The following ATP8A2 variants were observed in gnomAD, a reference collection of about 807,000 sequenced individuals.
ATP8A2 encodes the protein ATPase phospholipid transporting 8A2, also known as phospholipid-transporting ATPase IB.
Under a neutral mutation model 165.6 loss-of-function variants are expected in ATP8A2, and 100 were observed. The observed-to-expected ratio is 0.60, with a 90% CI of 0.51 to 0.71. The LOEUF is 0.71. ATP8A2 is among the 30% of genes least tolerant of loss of function. The pLI is 0.00. For synonymous variants in ATP8A2, 543 were observed against 548.8 expected (o/e 0.99, Z 0.15); for missense variants, 1,227 against 1,479.5 (o/e 0.83, Z 2.80).
chr13:25,689,271 A>T (rs1157573393), intron 24 of ATP8A2, among the ~76,000 whole-genome samples: 1 of 152,240 alleles, frequency 6.6e-6, no homozygotes, highest in Non-Finnish European at 1.5e-5. Context: ...TGTAATGACT[A>T]TACCGCTTAT....
intron 27 of ATP8A2, among the ~76,000 whole-genome samples, chr13:25,793,285 A>G (rs1482169263): frequency 6.6e-6 from 1 of 152,140 alleles, no homozygotes; most frequent in Non-Finnish European, 1.5e-5. Context: ...TGCTCTGGAG[A>G]ATGCCTGATT....
intron 27 of ATP8A2, among the ~76,000 whole-genome samples, chr13:25,826,279 G>T (rs2138591955): frequency 6.6e-6 from 1 of 152,310 alleles, no homozygotes; most frequent in African/African-American, 2.4e-5. Context: ...AGAGTGAATA[G>T]AAGTGTGGAA....
rs1956870625 is a variant in ATP8A2 at position 26,012,528 on chromosome 13, C to T, written c.3378-3C>T. 24 of 1,540,348 alleles carry T rather than the reference C, an allele frequency of 1.6e-5. No homozygotes were observed. Among genetic ancestry groups the T allele is most frequent in the Non-Finnish European group, 1.9e-5 (22 of 1,142,010 alleles). ...GAGACTGACGCGCTTGCTTTATCCG[C>T]AGGCTGAACGAGCGCGACCGCCTGA... On this transcript the variant is annotated splice_region_variant and splice_polypyrimidine_tract_variant and intron_variant, in intron 35 of 36. Transcript: ENST00000381655.
At chr13:25,895,922 C>CT (rs1336783435) in intron 33 of ATP8A2, among the ~76,000 whole-genome samples, 1 of 152,062 alleles carries the variant, frequency 6.6e-6, no homozygotes. Context: ...ATTCTTCTCT[C>CT]TCTTCTTCTT....
At chr13:26,019,685 G>A (rs1300285770) in intron 36 of ATP8A2, among the ~76,000 whole-genome samples, 1 of 152,120 alleles carries the variant, frequency 6.6e-6, no homozygotes, top group Non-Finnish European at 1.5e-5. Context: ...TAGAACCATG[G>A]GACCCCAGTT....
At chr13:25,967,454 G>A (rs564656382) in intron 34 of ATP8A2, among the ~76,000 whole-genome samples, 1 of 152,280 alleles carries the variant, frequency 6.6e-6, no homozygotes, top group South Asian at 2.1e-4. Flanking sequence ...GGTGGAGGGT[G>A]GGTGAGGTGG....
intron 24 of ATP8A2, among the ~76,000 whole-genome samples, chr13:25,675,795 G>A (rs1029156408): frequency 2.6e-5 from 4 of 152,148 alleles, no homozygotes; most frequent in African/African-American, 9.7e-5. Context: ...GGCAGGCTTG[G>A]ATGCTGCTGA....
chr13:25,410,661 G>A lies in ATP8A2; in HGVS notation c.76+38373G>A, dbSNP rs556760443. On this transcript the variant is annotated intron_variant, in intron 1 of 36. Coordinates refer to ENST00000381655, the MANE Select transcript of ATP8A2 (RefSeq NM_016529.6). The stretch of plus-strand genomic sequence containing the variant: ...GCTTTGCAGTAAGGGCTGGAAGAAC[G>A]TGCACAGAAAGCTTCCTCATCCATA... Among the ~76,000 whole-genome samples the A allele has an allele frequency of 7.2e-5, 11 of 152,326 alleles. 1 individual carries two copies. Among genetic ancestry groups the A allele is most frequent in the Admixed American group, 1.3e-4 (2 of 15,300 alleles).
rs1241693117 is a variant in ATP8A2, at chr13:25,542,054, A to G, written c.779+8A>G. On this transcript the variant is annotated splice_region_variant and intron_variant, in intron 9 of 36. Transcript: ENST00000381655. ...GAACTTAGATGGGAAAAGGTATTATATGCCTTTTCTTCATTGTCTTTTAAA... is the reference window on the plus strand; with the variant it reads ...GAACTTAGATGGGAAAAGGTATTATGTGCCTTTTCTTCATTGTCTTTTAAA... The G allele has an allele frequency of 4.3e-6, 7 of 1,613,448 alleles. No homozygotes were observed. The highest frequency in any genetic ancestry group is 5.9e-6 in the Non-Finnish European group (7 of 1,179,566).
At chr13:25,421,989 G>A (rs1043223641) in intron 1 of ATP8A2, among the ~76,000 whole-genome samples, 13 of 151,976 alleles carry the variant, frequency 8.6e-5, no homozygotes, top group African/African-American at 2.4e-4. Context: ...TGCTCGTTAC[G>A]TCCTCCCTAC....
intron 24 of ATP8A2, among the ~76,000 whole-genome samples, chr13:25,596,898 G>C (rs192163278): frequency 6.6e-6 from 1 of 152,002 alleles, no homozygotes; most frequent in Non-Finnish European, 1.5e-5. Flanking sequence ...TCATTTTTGC[G>C]TATCTTCACC....
chr13:25,652,705 T>C (rs1266582068), intron 24 of ATP8A2, among the ~76,000 whole-genome samples: 1 of 152,198 alleles, frequency 6.6e-6, no homozygotes, highest in Non-Finnish European at 1.5e-5. Flanking sequence ...TTTCCTTGAT[T>C]TTCTAACTGG....
At chr13:25,553,189 C>G (rs547331375) in intron 11 of ATP8A2, among the ~76,000 whole-genome samples, 4 of 149,076 alleles carry the variant, frequency 2.7e-5, no homozygotes, top group South Asian at 4.5e-4. Context: ...CCTTGTCCCC[C>G]TCTCCCTCCC....
At position 25,953,517 on chromosome 13, in the gene ATP8A2, C is replaced by CTT. The variant is rs386378544; in HGVS notation, c.3184-8054_3184-8053dup. On this transcript the variant is annotated intron_variant, in intron 33 of 36. Coordinates refer to ENST00000381655, the MANE Select transcript of ATP8A2 (RefSeq NM_016529.6). This position sits in a 1 kb window ranked among gnomAD's most constrained non-coding sequence, Gnocchi z 6.7. ...CTTATGTAGCCCTGGTTACTCCAGCCTTTTTAAAAAAAAAAAAAAAAAAAA... is the reference window on the plus strand; with the variant it reads ...CTTATGTAGCCCTGGTTACTCCAGCCTTTTTTTAAAAAAAAAAAAAAAAAAAA... Among the ~76,000 whole-genome samples, 1 of 109,222 alleles carries CTT rather than the reference C, an allele frequency of 9.2e-6. No individual in the cohort carries two copies. The highest frequency in any genetic ancestry group is 3.3e-5 in the African/African-American group (1 of 29,906). 71.7% of individuals were successfully genotyped at this position (109,222 alleles called of 152,430 possible). A position where few individuals can be genotyped will look rare whatever the true frequency, so the allele number is the denominator to read the frequency against.
chr13:25,692,716 G>T (rs370276278), intron 24 of ATP8A2, among the ~76,000 whole-genome samples: 1 of 152,172 alleles, frequency 6.6e-6, no homozygotes, highest in Non-Finnish European at 1.5e-5. Context: ...GAGATTATAA[G>T]GTGGTACTGT....
chr13:25,455,272 T>C (rs981273494), intron 1 of ATP8A2, among the ~76,000 whole-genome samples: 2 of 152,194 alleles, frequency 1.3e-5, no homozygotes, highest in Non-Finnish European at 2.9e-5. Context: ...TGCTAGTGCG[T>C]TGGCAGTGTA....
chr13:25,543,505 TA>T, intron 10 of ATP8A2, 103 bp downstream of exon 10: 1 of 715,856 alleles, frequency 1.4e-6, no homozygotes, highest in Non-Finnish European at 2.4e-6. Flanking sequence ...CAAATTTGTC[TA>T]TGAACCTAAA....
At chr13:25,826,959 A>T (rs1370902284) in intron 27 of ATP8A2, among the ~76,000 whole-genome samples, 3 of 138,762 alleles carry the variant, frequency 2.2e-5, no homozygotes, top group African/African-American at 8.2e-5. Flanking sequence ...CCATATTTTC[A>T]TGTTTGCTTC....
chr13:25,787,717 C>T (rs2045066096), intron 27 of ATP8A2, among the ~76,000 whole-genome samples: 1 of 152,238 alleles, frequency 6.6e-6, no homozygotes, highest in South Asian at 2.1e-4. Context: ...TTGGCCGGGC[C>T]TCTCTGCCTC....
Sources: gnomAD v4.1 joint callset for allele counts (sites outside exome capture counted in the v4.1 genomes callset) on GRCh38, gnomAD v4.1.1 for gene constraint, Gnocchi (gnomAD v3.1) non-coding constraint, MANE v1.5 for transcripts, NCBI Gene and HGNC (gene_info 2026-07-23, HGNC 2026-07-21) for gene names.